LAMA3: variants seen among roughly 807,000 people sequenced by gnomAD.
The protein encoded by LAMA3 is laminin subunit alpha 3, also known as laminin subunit alpha-3.
In LAMA3, 281 loss-of-function variants were observed where a neutral mutation model predicts 402.0. The ratio of observed to expected loss-of-function variants is 0.70; its 90% confidence interval spans 0.63 to 0.77. LAMA3 has a LOEUF of 0.77. Ranked by LOEUF, LAMA3 falls within the 30% of genes least tolerant of loss-of-function variation. LAMA3 has a pLI of 0.00. For missense variants in LAMA3, 3,840 were observed against 4,215.5 expected, an observed-to-expected ratio of 0.91 and a Z score of 2.47; for synonymous variants, 1,431 against 1,558.4, an observed-to-expected ratio of 0.92 and a Z score of 1.93.
chr18:23,861,604 G>T lies in LAMA3; in HGVS notation c.4423-42G>T. 3 of 1,611,994 alleles carry T rather than the reference G, an allele frequency of 1.9e-6. No homozygotes were observed. In the South Asian group the frequency reaches 3.3e-5, roughly 18 times the overall value. On this transcript the variant is annotated intron_variant, in intron 34 of 74. Transcript: ENST00000313654. ...GCACCCATCACCCCAGGGATGCCAC[G>T]ACCAAGACGTTTCCATCCCTTGCTT...
At chr18:23,929,762 G>A (rs2082109838) in intron 64 of LAMA3, among the ~76,000 whole-genome samples, 1 of 152,184 alleles carries the variant, frequency 6.6e-6, no homozygotes, top group Admixed American at 6.5e-5. Context: ...GACTATAGGG[G>A]TGGCTTTTCC....
chr18:23,821,506 A>T (rs2063285122), intron 19 of LAMA3, among the ~76,000 whole-genome samples: 1 of 152,218 alleles, frequency 6.6e-6, no homozygotes, highest in South Asian at 2.1e-4. Context: ...AGTTTCATGA[A>T]GTTTCCTTGG....
chr18:23,777,537 T>G lies in LAMA3; in HGVS notation c.1406-20T>G, dbSNP rs1194946401. ...TCTCCTTAATCATCCTCTGTATTTT[T>G]TAATAAACTATTTTTACAGGAATTC... On this transcript the variant is annotated intron_variant, in intron 10 of 74. Coordinates refer to ENST00000313654, the MANE Select transcript of LAMA3 (RefSeq NM_198129.4). 1.3e-6 allele frequency: 2 copies of G among 1,538,096 alleles called. No homozygotes were observed. Among genetic ancestry groups the G allele is most frequent in the African/African-American group, 1.4e-5 (1 of 73,442 alleles).
At chr18:23,693,928 A>G (rs1046813939) in intron 1 of LAMA3, among the ~76,000 whole-genome samples, 1 of 152,216 alleles carries the variant, frequency 6.6e-6, no homozygotes, top group East Asian at 1.9e-4. Context: ...TGCTACATAC[A>G]TGGATTCCTG....
intron 11 of LAMA3, among the ~76,000 whole-genome samples, chr18:23,783,572 G>A (rs898536093): frequency 1.3e-5 from 2 of 152,202 alleles, no homozygotes; most frequent in African/African-American, 4.8e-5. Flanking sequence ...GCCAGTGCCG[G>A]GAGGATTAAG....
chr18:23,876,522 C>T (rs2064720510), intron 39 of LAMA3, 115 bp downstream of exon 39: 1 of 704,528 alleles, frequency 1.4e-6, no homozygotes, highest in South Asian at 1.6e-5. Context: ...AAATAGAGGT[C>T]GCTGTGTAAA....
chr18:23,950,387 G>A (rs1176788536), intron 72 of LAMA3, among the ~76,000 whole-genome samples: 1 of 152,212 alleles, frequency 6.6e-6, no homozygotes, highest in Non-Finnish European at 1.5e-5. Context: ...CTGAATTGCA[G>A]GTCCAGCACT....
intron 41 of LAMA3, among the ~76,000 whole-genome samples, chr18:23,885,469 G>A (rs545905865): frequency 4.6e-5 from 7 of 151,702 alleles, no homozygotes; most frequent in East Asian, 1.9e-4. Context: ...ATAGGTGTTC[G>A]GTAATGTTTG....
At chr18:23,852,892 C>T (rs1435892056) in intron 32 of LAMA3, among the ~76,000 whole-genome samples, 1 of 152,188 alleles carries the variant, frequency 6.6e-6, no homozygotes, top group Non-Finnish European at 1.5e-5. Context: ...CTCCCTCCTC[C>T]TCTCCTACTA....
In LAMA3 at chr18:23,826,725, G is replaced by A; in HGVS notation, c.2595G>A (p.Arg865=). The change falls in exon 22 of 75, where the codon AGG becomes AGA. Residue 865 remains arginine (R), a synonymous_variant. Transcript: ENST00000313654. ...VLLDYLVLLP[R]DYYEASVLQL... ...AGGATTACCTGGTGCTGCTCCCCAGGGACTACTATGAAGCCTCTGTACTGC... is the reference window on the plus strand; with the variant it reads ...AGGATTACCTGGTGCTGCTCCCCAGAGACTACTATGAAGCCTCTGTACTGC... 1 of 1,562,480 alleles carries A rather than the reference G, an allele frequency of 6.4e-7. No individual in the cohort carries two copies. The highest frequency in any genetic ancestry group is 8.7e-7 in the Non-Finnish European group (1 of 1,151,842).
intron 12 of LAMA3, among the ~76,000 whole-genome samples, chr18:23,799,949 A>T (rs1338042226): frequency 1.3e-5 from 2 of 152,186 alleles, no homozygotes; most frequent in Admixed American, 1.3e-4. Context: ...AGCTGATTGG[A>T]TGAGGCCCAC....
At chr18:23,815,438 A>G (rs1343697780) in intron 16 of LAMA3, 30 bp from the exon 17 acceptor site, 9 of 1,558,458 alleles carry the variant, frequency 5.8e-6, no homozygotes, top group South Asian at 1.1e-5. Context: ...AATTATATCA[A>G]ATGTTGTCAT....
intron 12 of LAMA3, among the ~76,000 whole-genome samples, chr18:23,809,086 G>A (rs2063018966): frequency 6.6e-6 from 1 of 152,190 alleles, no homozygotes; most frequent in Non-Finnish European, 1.5e-5. Context: ...CAAGCACTGG[G>A]GGACTTGGGT....
At chr18:23,718,087 A>T (rs925575372) in intron 2 of LAMA3, among the ~76,000 whole-genome samples, 1 of 152,170 alleles carries the variant, frequency 6.6e-6, no homozygotes, top group Non-Finnish European at 1.5e-5. Flanking sequence ...CATTTAAAGC[A>T]TGTAGATGTC....
chr18:23,733,411 CAGAGA>C (rs1568124990), intron 2 of LAMA3, among the ~76,000 whole-genome samples: 1 of 152,112 alleles, frequency 6.6e-6, no homozygotes, highest in Non-Finnish European at 1.5e-5. Flanking sequence ...TACATGGCAG[CAGAGA>C]AGAGAGAATG....
intron 6 of LAMA3, among the ~76,000 whole-genome samples, chr18:23,756,245 A>G (rs2143642384): frequency 6.6e-6 from 1 of 152,252 alleles, no homozygotes; most frequent in East Asian, 1.9e-4. Context: ...ACCTTCCCTT[A>G]GAGTAGAGTT....
chr18:23,918,231 T>C lies in LAMA3; in HGVS notation c.7923+1536T>C, dbSNP rs1286994391. On this transcript the variant is annotated intron_variant, in intron 60 of 74. Coordinates refer to ENST00000313654, the MANE Select transcript of LAMA3 (RefSeq NM_198129.4). This position sits in a 1 kb window ranked among gnomAD's most constrained non-coding sequence, Gnocchi z 4.1. Reference sequence around the variant, plus strand: ...TGTGGCTTTATCTCTGGGCTCTCTATTCTGTTCCATTGATGTCTATTTTAA... The same window carrying C: ...TGTGGCTTTATCTCTGGGCTCTCTACTCTGTTCCATTGATGTCTATTTTAA... Among the ~76,000 whole-genome samples the C allele has an allele frequency of 6.6e-6, 1 of 152,226 alleles. No homozygotes were observed. Among genetic ancestry groups the C allele is most frequent in the East Asian group, 1.9e-4 (1 of 5,198 alleles).
Position 23,861,704 on chromosome 18 carries a change from C to G in LAMA3, c.4481C>G (p.Ser1494Cys), listed in dbSNP as rs372617066. 114 of 1,614,210 alleles carry G rather than the reference C, an allele frequency of 7.1e-5. No individual in the cohort carries two copies. The Middle Eastern group carries it at 8.2e-4, about 12-fold the overall frequency. ...ETADRVDIPV[S>C]FNPGSNSMVA... ...GCAGACAGAGTGGACATCCCTGTCTCTTTCAACCCAGGCAGCAACAGTATG... is the reference window on the plus strand; with the variant it reads ...GCAGACAGAGTGGACATCCCTGTCTGTTTCAACCCAGGCAGCAACAGTATG... Residue 1494 changes from serine (S) to cysteine (C), a missense_variant, in exon 35 of 75, where the codon TCT (serine) becomes TGT (cysteine). By Grantham distance (112) the Ser-to-Cys change is moderately radical. Coordinates refer to ENST00000313654, the MANE Select transcript of LAMA3 (RefSeq NM_198129.4).
chr18:23,690,637 A>C (rs1008917946), intron 1 of LAMA3, among the ~76,000 whole-genome samples: 1 of 151,886 alleles, frequency 6.6e-6, no homozygotes, highest in Non-Finnish European at 1.5e-5. Flanking sequence ...CCTGGCCCTT[A>C]CTCACAGGTC....
Sources: allele counts gnomAD v4.1 joint callset (sites outside exome capture counted in the v4.1 genomes callset), GRCh38; gene constraint gnomAD v4.1.1; non-coding constraint Gnocchi (gnomAD v3.1); transcripts MANE v1.5; gene names NCBI Gene and HGNC (gene_info 2026-07-23, HGNC 2026-07-21).